Variants in FAM180A observed in about 807,000 individuals in gnomAD.
FAM180A encodes protein FAM180A.
Under a neutral mutation model 15.3 loss-of-function variants are expected in FAM180A, and 14 were observed. That is an observed-to-expected ratio of 0.92 (90% CI 0.61 to 1.43). FAM180A has a LOEUF of 1.43. FAM180A is among the 40% of genes most tolerant of loss of function. The pLI, the probability that FAM180A is intolerant of heterozygous loss-of-function variation, is 0.00. For synonymous variants in FAM180A, 90 were observed against 96.8 expected, an observed-to-expected ratio of 0.93 and a Z score of 0.41; for missense variants, 200 against 220.8, an observed-to-expected ratio of 0.91 and a Z score of 0.60.
intron 1 of FAM180A, among the ~76,000 whole-genome samples, chr7:135,747,353 T>C (rs1420630399): frequency 6.6e-6 from 1 of 151,790 alleles, no homozygotes; most frequent in African/African-American, 2.4e-5. Flanking sequence ...GTATGCAAGG[T>C]TGTTATGAGA....
At chr7:135,744,861 G>C (rs188843182) in intron 1 of FAM180A, among the ~76,000 whole-genome samples, 5 of 152,188 alleles carry the variant, frequency 3.3e-5, no homozygotes, top group Admixed American at 6.5e-5. Context: ...GAGAGGAGAT[G>C]GCTCTGTATG....
Position 135,748,654 on chromosome 7 carries a change from G to C in FAM180A, c.-74C>G. 8.9e-7 allele frequency: 1 copy of C among 1,120,976 alleles called. No individual in the cohort carries two copies. 69.4% of individuals were successfully genotyped at this position (1,120,976 alleles called of 1,614,324 possible). A position where few individuals can be genotyped will look rare whatever the true frequency, so the allele number is the denominator to read the frequency against. On this transcript the variant is annotated 5_prime_UTR_variant, in exon 1 of 4. Transcript: ENST00000338588. Reference sequence around the variant, plus strand: ...CAGTAGCTGCAGGTATGCCCGTGCCGTTCTTCCCAGTGAGATGATGGAGTG... The same window carrying C: ...CAGTAGCTGCAGGTATGCCCGTGCCCTTCTTCCCAGTGAGATGATGGAGTG...
rs187530004 is a variant in FAM180A, at chr7:135,730,601, A to G, written c.*330-320T>C. Among the ~76,000 whole-genome samples, 698 of 152,366 alleles carry G rather than the reference A, an allele frequency of 4.6e-3. 10 individuals carry two copies. The highest frequency in any genetic ancestry group is 2.8e-3 in the Non-Finnish European group (191 of 68,040). The stretch of plus-strand genomic sequence containing the variant: ...AAAATTTGTCAGCAGAAATGGTTAC[A>G]TAAGTCATGGGCAAGTTTCCACCAC... On this transcript the variant is annotated intron_variant, in intron 3 of 3. Coordinates refer to ENST00000338588, the MANE Select transcript of FAM180A (RefSeq NM_205855.4).
chr7:135,743,593 G>C (rs1796987891), intron 1 of FAM180A, among the ~76,000 whole-genome samples: 3 of 152,150 alleles, frequency 2.0e-5, no homozygotes, highest in Non-Finnish European at 4.4e-5. Context: ...CTCTGCACCT[G>C]AAGGTGGCTG....
chr7:135,742,464 A>G (rs1449446975), intron 1 of FAM180A, among the ~76,000 whole-genome samples: 56 of 152,278 alleles, frequency 3.7e-4, no homozygotes, highest in Non-Finnish European at 7.4e-5. Flanking sequence ...CCTGAGACTC[A>G]ATGGTCAGCT....
chr7:135,740,122 C>A (rs912362536), intron 1 of FAM180A, among the ~76,000 whole-genome samples: 1 of 152,174 alleles, frequency 6.6e-6, no homozygotes, highest in Non-Finnish European at 1.5e-5. Flanking sequence ...CTTGAGGAAG[C>A]CTTTGCCCCT....
At chr7:135,737,026 CT>C (rs1228443104) in intron 2 of FAM180A, 72 bp downstream of exon 2, 27 of 1,278,258 alleles carry the variant, frequency 2.1e-5, no homozygotes, top group African/African-American at 2.9e-5. Flanking sequence ...GTCACTTCTC[CT>C]TTTCCAAAAA....
chr7:135,734,861 C>T (rs571976447), intron 2 of FAM180A, among the ~76,000 whole-genome samples: 28 of 152,230 alleles, frequency 1.8e-4, no homozygotes, highest in South Asian at 4.2e-4. Flanking sequence ...AGAAGGAGTT[C>T]AGACATAAAG....
Position 135,730,105 on chromosome 7 carries a change from C to A in FAM180A, c.*506G>T. On this transcript the variant is annotated 3_prime_UTR_variant, in exon 4 of 4. Transcript: ENST00000338588. Reference sequence around the variant, plus strand: ...AAGCATTTGATTTTAGACCATTGGACCTGCAGAAATACTTTGATTTGTTAG... The same window carrying A: ...AAGCATTTGATTTTAGACCATTGGAACTGCAGAAATACTTTGATTTGTTAG... 1 of 985,352 alleles carries A rather than the reference C, an allele frequency of 1.0e-6. No homozygotes were observed. The highest frequency in any genetic ancestry group is 1.2e-6 in the Non-Finnish European group (1 of 829,928). The allele number at this position is 985,352 out of a possible 1,614,324, so 61.0% of individuals were successfully genotyped here. A position where few individuals can be genotyped will look rare whatever the true frequency, so the allele number is the denominator to read the frequency against.
intron 1 of FAM180A, among the ~76,000 whole-genome samples, chr7:135,742,370 C>A (rs553563231): frequency 2.7e-4 from 41 of 152,332 alleles, no homozygotes; most frequent in African/African-American, 9.6e-4. Flanking sequence ...CAAGGGCTGG[C>A]AAACTCCAAG....
Position 135,737,169 on chromosome 7 carries a change from T to C in FAM180A, c.107A>G (p.Lys36Arg). Reference sequence around the variant, plus strand: ...GTTCAATGGCAGTGATGAGGACCTCTTTGGCCGGTGGGCGGCAGGGAAGAG... The same window carrying C: ...GTTCAATGGCAGTGATGAGGACCTCCTTGGCCGGTGGGCGGCAGGGAAGAG... ...AVLFPAAHRPKRSSSLPLNPV... is the reference protein window; with the variant it reads ...AVLFPAAHRPRRSSSLPLNPV... Residue 36 changes from lysine (K) to arginine (R), a missense_variant, in exon 2 of 4, where the codon AAG (lysine) becomes AGG (arginine). Lys to Arg is a conservative substitution (Grantham distance 26). Transcript: ENST00000338588. The C allele has an allele frequency of 6.2e-7, 1 of 1,608,284 alleles. No homozygotes were observed. Among genetic ancestry groups the C allele is most frequent in the Non-Finnish European group, 8.5e-7 (1 of 1,178,134 alleles).
At chr7:135,739,906 G>T (rs1158229472) in intron 1 of FAM180A, among the ~76,000 whole-genome samples, 1 of 152,146 alleles carries the variant, frequency 6.6e-6, no homozygotes, top group Non-Finnish European at 1.5e-5. Context: ...GGCTTCCGGG[G>T]TGTGCGCTGG....
chr7:135,748,776 A>T lies in FAM180A; in HGVS notation c.-196T>A. 1.7e-6 allele frequency: 1 copy of T among 581,678 alleles called. No individual in the cohort carries two copies. Among genetic ancestry groups the T allele is most frequent in the South Asian group, 2.0e-5 (1 of 50,204 alleles). 36.0% of individuals were successfully genotyped at this position (581,678 alleles called of 1,614,324 possible). A position where few individuals can be genotyped will look rare whatever the true frequency, so the allele number is the denominator to read the frequency against. On this transcript the variant is annotated 5_prime_UTR_variant, in exon 1 of 4. Transcript: ENST00000338588. ...CGTCCTGGGTGGGACAGGAGTCGGT[A>T]CCTCTCTTCATTTGACGCTCTCTGG...
chr7:135,735,344 G>A (rs577455950), intron 2 of FAM180A, among the ~76,000 whole-genome samples: 1 of 152,330 alleles, frequency 6.6e-6, no homozygotes, highest in African/African-American at 2.4e-5. Flanking sequence ...AATGTTCAGA[G>A]TTTGAAGGAT....
chr7:135,743,686 C>A (rs1248140636), intron 1 of FAM180A, among the ~76,000 whole-genome samples: 1 of 152,180 alleles, frequency 6.6e-6, no homozygotes, highest in Non-Finnish European at 1.5e-5. Context: ...TTATTATCAT[C>A]CAACAAATCA....
intron 1 of FAM180A, among the ~76,000 whole-genome samples, chr7:135,740,885 G>T (rs910208415): frequency 6.6e-6 from 1 of 151,826 alleles, no homozygotes. Context: ...ATCTAAGAGC[G>T]ACTCTACTTC....
intron 3 of FAM180A, among the ~76,000 whole-genome samples, chr7:135,732,689 T>TCACACACACACA (rs143588470): frequency 2.1e-5 from 3 of 141,856 alleles, no homozygotes; most frequent in Admixed American, 7.1e-5. Context: ...CGAGACTCCA[T>TCACACACACACA]CACACACACA....
chr7:135,730,348 C>A lies in FAM180A; in HGVS notation c.*330-67G>T, dbSNP rs901480953. 2.3e-5 allele frequency: 12 copies of A among 513,472 alleles called. No individual in the cohort carries two copies. In the African/African-American group the frequency reaches 2.5e-4, roughly 11 times the overall value. 31.8% of individuals were successfully genotyped at this position (513,472 alleles called of 1,614,324 possible). On this transcript the variant is annotated intron_variant, in intron 3 of 3. Coordinates refer to ENST00000338588, the MANE Select transcript of FAM180A (RefSeq NM_205855.4). ...CTTGAGGTCAGGAGTTTGAGACCAG[C>A]CTGGCCAACATGGTGAAACCCCATC... is the stretch of plus-strand genomic sequence containing the variant.
At position 135,732,415 on chromosome 7, in the gene FAM180A, G is replaced by A. The variant is rs552022311; in HGVS notation, c.*329+1231C>T. On this transcript the variant is annotated intron_variant, in intron 3 of 3. Coordinates refer to ENST00000338588, the MANE Select transcript of FAM180A (RefSeq NM_205855.4). ...AGAATGTTTAAATGATGACATGGTCGGGCGCAATGGCTCTCGCCTATAATC... is the reference window on the plus strand; with the variant it reads ...AGAATGTTTAAATGATGACATGGTCAGGCGCAATGGCTCTCGCCTATAATC... 6.6e-5 allele frequency among the ~76,000 whole-genome samples: 10 copies of A among 152,280 alleles called. No individual in the cohort carries two copies. In the East Asian group the frequency reaches 9.6e-4, roughly 15 times the overall value.
Sources: gnomAD v4.1 joint callset for allele counts (sites outside exome capture counted in the v4.1 genomes callset) on GRCh38, gnomAD v4.1.1 for gene constraint, MANE v1.5 for transcripts, NCBI Gene and HGNC (gene_info 2026-07-23, HGNC 2026-07-21) for gene names.